Variants in TBC1D32 observed in about 807,000 individuals in gnomAD.
TBC1D32 encodes the protein TBC1 domain family member 32.
Under a neutral mutation model 170.3 loss-of-function variants are expected in TBC1D32, and 151 were observed. That is an observed-to-expected ratio of 0.89 (90% CI 0.78 to 1.01). TBC1D32 has a LOEUF of 1.01. TBC1D32 is among the 50% of genes least tolerant of loss of function. TBC1D32 has a pLI of 0.00. For missense variants in TBC1D32, 1,464 were observed against 1,457.1 expected (o/e 1.00, Z -0.08); for synonymous variants, 498 against 488.0 (o/e 1.02, Z -0.27).
rs754901738 is a variant in TBC1D32 at position 121,205,055 on chromosome 6, AGTAAAAT to A, written c.2570+13_2570+19del. On this transcript the variant is annotated intron_variant, in intron 22 of 31. Coordinates refer to ENST00000398212, the MANE Select transcript of TBC1D32 (RefSeq NM_152730.6). ...GTGGAACATAAAATATAATATCAAA[AGTAAAAT>A]GTAGCATTTTACCTTAGACCAAAGA... 2.2e-6 allele frequency: 3 copies of A among 1,345,178 alleles called. No homozygotes were observed. The Admixed American group carries it at 7.1e-5, about 32-fold the overall frequency. The allele number at this position is 1,345,178 out of a possible 1,614,324, so 83.3% of individuals were successfully genotyped here.
intron 24 of TBC1D32, among the ~76,000 whole-genome samples, chr6:121,155,551 G>A (rs1214794848): frequency 6.6e-6 from 1 of 152,110 alleles, no homozygotes; most frequent in Non-Finnish European, 1.5e-5. Context: ...CAAGTGTAGT[G>A]AGAGTAGGCA....
Position 121,273,121 on chromosome 6 carries a change from C to T in TBC1D32, c.1733+6000G>A, listed in dbSNP as rs147508932. On this transcript the variant is annotated intron_variant, in intron 15 of 31. Coordinates refer to ENST00000398212, the MANE Select transcript of TBC1D32 (RefSeq NM_152730.6). ...CCAGGGCTTGTTGTGGGGTGGGGTG[C>T]TAGGGGAGGGATAGTTTTAGGAGAT... is the stretch of plus-strand genomic sequence containing the variant. 7.5e-5 allele frequency among the ~76,000 whole-genome samples: 11 copies of T among 147,378 alleles called. No individual in the cohort carries two copies. In the East Asian group the frequency reaches 2.3e-3, roughly 31 times the overall value.
chr6:121,308,247 T>C (rs2128484510), intron 4 of TBC1D32, 146 bp from the exon 5 acceptor site: 1 of 796,244 alleles, frequency 1.3e-6, no homozygotes, highest in East Asian at 2.9e-5. Flanking sequence ...ATTAAAAAGC[T>C]CTTGAGAAAT....
chr6:121,099,441 A>C (rs555364442), intron 30 of TBC1D32, among the ~76,000 whole-genome samples: 1 of 152,054 alleles, frequency 6.6e-6, no homozygotes, highest in African/African-American at 2.4e-5. Context: ...TTCTTGCTAC[A>C]TTTAATTTTT....
At chr6:121,129,897 C>T (rs1781245514) in intron 25 of TBC1D32, 1 of 450,582 alleles carries the variant, frequency 2.2e-6, no homozygotes, top group Admixed American at 2.4e-5. Context: ...TGGTATCTCA[C>T]ACAGGAAAAA....
At chr6:121,208,108 C>CAA (rs796335160) in intron 21 of TBC1D32, among the ~76,000 whole-genome samples, 4 of 135,738 alleles carry the variant, frequency 2.9e-5, no homozygotes, top group African/African-American at 8.1e-5. Flanking sequence ...ACACACACAC[C>CAA]AAAAAAAAAA....
At chr6:121,161,954 T>A (rs1003824418) in intron 22 of TBC1D32, among the ~76,000 whole-genome samples, 1 of 152,222 alleles carries the variant, frequency 6.6e-6, no homozygotes, top group African/African-American at 2.4e-5. Context: ...CTTTTTTTCA[T>A]ATGTTTGTTG....
At chr6:121,234,116 A>C (rs1377490439) in intron 20 of TBC1D32, among the ~76,000 whole-genome samples, 1 of 152,088 alleles carries the variant, frequency 6.6e-6, no homozygotes, top group African/African-American at 2.4e-5. Context: ...TAAGTTACCT[A>C]ATGCTTTTGC....
intron 30 of TBC1D32, among the ~76,000 whole-genome samples, chr6:121,101,284 A>C (rs2128186548): frequency 6.6e-6 from 1 of 152,208 alleles, no homozygotes; most frequent in South Asian, 2.1e-4. Flanking sequence ...GACACAACAA[A>C]AAGAGAGAAT....
chr6:121,312,728 C>T (rs189475269), intron 3 of TBC1D32, among the ~76,000 whole-genome samples: 41 of 152,272 alleles, frequency 2.7e-4, no homozygotes, highest in Non-Finnish European at 6.0e-4. Flanking sequence ...CTTTGATGTA[C>T]TTACATGCTA....
At chr6:121,119,147 C>T (rs1174769144) in intron 26 of TBC1D32, among the ~76,000 whole-genome samples, 5 of 152,130 alleles carry the variant, frequency 3.3e-5, no homozygotes, top group African/African-American at 1.2e-4. Context: ...AAATAAAACC[C>T]TTCATTGACA....
chr6:121,322,722 A>G (rs1276740447), intron 1 of TBC1D32, among the ~76,000 whole-genome samples: 1 of 152,202 alleles, frequency 6.6e-6, no homozygotes, highest in African/African-American at 2.4e-5. Flanking sequence ...CCATTTATCT[A>G]TCATCTGCAA....
At chr6:121,101,403 T>C (rs1261570997) in intron 30 of TBC1D32, among the ~76,000 whole-genome samples, 1 of 152,014 alleles carries the variant, frequency 6.6e-6, no homozygotes, top group Non-Finnish European at 1.5e-5. Context: ...TCAAGTGGGC[T>C]TCATCCATGG....
chr6:121,333,875 T>G (rs1347229782), intron 1 of TBC1D32, among the ~76,000 whole-genome samples: 1 of 152,054 alleles, frequency 6.6e-6, no homozygotes, highest in African/African-American at 2.4e-5. Flanking sequence ...GAGACCAACC[T>G]AGCCCACATG....
At position 121,288,449 on chromosome 6, in the gene TBC1D32, T is replaced by C. The variant is rs188998216; in HGVS notation, c.1372+3604A>G. On this transcript the variant is annotated intron_variant, in intron 12 of 31. Coordinates refer to ENST00000398212, the MANE Select transcript of TBC1D32 (RefSeq NM_152730.6). ...ACACATACACCCTCCCAAGACTAAA[T>C]CAGGAAGAAGTTGAATCTCTGAATA... Among the ~76,000 whole-genome samples, 236 of 151,934 alleles carry C rather than the reference T, an allele frequency of 1.6e-3. 4 individuals are homozygous for C. Among genetic ancestry groups the C allele is most frequent in the South Asian group, 4.2e-4 (2 of 4,806 alleles).
At position 121,084,208 on chromosome 6, in the gene TBC1D32, T is replaced by A. The variant is rs373586442; in HGVS notation, c.3655-3318A>T. ...ATAAGGTCTACAATACTTAAGATATTATGTATTTGTTCATTTATTTGCCTT... is the reference window on the plus strand; with the variant it reads ...ATAAGGTCTACAATACTTAAGATATAATGTATTTGTTCATTTATTTGCCTT... On this transcript the variant is annotated intron_variant, in intron 31 of 31. Transcript: ENST00000398212. 9.9e-4 allele frequency among the ~76,000 whole-genome samples: 151 copies of A among 152,244 alleles called. 2 individuals are homozygous for A. The highest frequency in any genetic ancestry group is 3.3e-3 in the African/African-American group (136 of 41,574).
chr6:121,094,520 T>C (rs1192107911), intron 30 of TBC1D32, among the ~76,000 whole-genome samples: 2 of 152,126 alleles, frequency 1.3e-5, no homozygotes, highest in African/African-American at 4.8e-5. Context: ...AGAATTCTAA[T>C]AGGACAGAAG....
At chr6:121,095,441 T>C (rs1220668181) in intron 30 of TBC1D32, among the ~76,000 whole-genome samples, 2 of 152,068 alleles carry the variant, frequency 1.3e-5, no homozygotes, top group Admixed American at 6.6e-5. Flanking sequence ...TCTTGCCTGA[T>C]TGCCCTGGCC....
At chr6:121,267,224 T>C (rs1278466087) in intron 15 of TBC1D32, among the ~76,000 whole-genome samples, 2 of 151,786 alleles carry the variant, frequency 1.3e-5, no homozygotes, top group Non-Finnish European at 2.9e-5. Context: ...AGATGGGTGA[T>C]TTCTGCATTT....
Sources: allele counts gnomAD v4.1 joint callset (sites outside exome capture counted in the v4.1 genomes callset), GRCh38; gene constraint gnomAD v4.1.1; transcripts MANE v1.5; gene names NCBI Gene and HGNC (gene_info 2026-07-23, HGNC 2026-07-21).